The following NMT2 variants were observed in gnomAD, a reference collection of about 807,000 sequenced individuals.
NMT2 encodes glycylpeptide N-tetradecanoyltransferase 2.
Under a neutral mutation model 65.4 loss-of-function variants are expected in NMT2, and 35 were observed. The observed-to-expected ratio is 0.54, with a 90% CI of 0.41 to 0.71. The LOEUF (loss-of-function observed/expected upper bound fraction) is 0.71. Among genes scored for constraint, NMT2 ranks in the 30% least tolerant of loss-of-function variants. The probability of loss-of-function intolerance (pLI) is 0.00; values close to 1 mark genes in which losing one functional copy is unlikely to be tolerated. For missense variants in NMT2, 489 were observed against 611.3 expected, an observed-to-expected ratio of 0.80 and a Z score of 2.11; for synonymous variants, 226 against 231.8, an observed-to-expected ratio of 0.98 and a Z score of 0.23.
chr10:15,112,724 G>A (rs979296506), intron 10 of NMT2, 72 bp downstream of exon 10: 188 of 1,393,724 alleles, frequency 1.3e-4, no homozygotes, highest in Middle Eastern at 6.6e-4. Flanking sequence ...AGAAAACACA[G>A]TAAGATGTCT....
At chr10:15,130,371 A>G (rs1379006230) in intron 6 of NMT2, 59 bp from the exon 7 acceptor site, 2 of 1,250,734 alleles carry the variant, frequency 1.6e-6, no homozygotes, top group Non-Finnish European at 2.2e-6. Context: ...TGAAGAGTCA[A>G]CACATTTTAA....
chr10:15,157,392 C>A (rs531955923), intron 1 of NMT2, among the ~76,000 whole-genome samples: 1 of 152,268 alleles, frequency 6.6e-6, no homozygotes, highest in South Asian at 2.1e-4. Flanking sequence ...CAATGGGGTA[C>A]AAGAGGGCTG....
At chr10:15,118,276 A>G (rs7074567) in intron 9 of NMT2, among the ~76,000 whole-genome samples, 62,316 of 152,124 alleles carry the variant, frequency 0.41, 17,269 homozygotes, top group African/African-American at 0.8. Flanking sequence ...AGTGGCTCAC[A>G]CCTATAATTC....
At chr10:15,116,211 C>A (rs770983777) in intron 9 of NMT2, among the ~76,000 whole-genome samples, 2 of 152,112 alleles carry the variant, frequency 1.3e-5, no homozygotes, top group Non-Finnish European at 2.9e-5. Context: ...TTAAAATAAT[C>A]AAAACCATAC....
intron 7 of NMT2, 151 bp downstream of exon 7, chr10:15,129,991 A>C (rs1328424769): frequency 3.6e-6 from 2 of 551,896 alleles, no homozygotes. Flanking sequence ...ACCAAGTGGC[A>C]AATGATATAC....
At chr10:15,122,287 C>G (rs543395161) in intron 8 of NMT2, among the ~76,000 whole-genome samples, 1 of 152,276 alleles carries the variant, frequency 6.6e-6, no homozygotes, top group South Asian at 2.1e-4. Context: ...CAACTTCCTT[C>G]TAGAGCAAAA....
Position 15,130,124 on chromosome 10 carries a change from G to T in NMT2, c.890+18C>A. ...TTTGATAAAGGGAGGACCTGAGGTA[G>T]AAATATGGTACTGGTACCTGCATGT... On this transcript the variant is annotated intron_variant, in intron 7 of 11. Transcript: ENST00000378165. 6.9e-7 allele frequency: 1 copy of T among 1,440,878 alleles called. No individual in the cohort carries two copies. Among genetic ancestry groups the T allele is most frequent in the South Asian group, 1.7e-5 (1 of 60,066 alleles). The allele number at this position is 1,440,878 out of a possible 1,614,324, so 89.3% of individuals were successfully genotyped here.
Position 15,120,850 on chromosome 10 carries a change from A to G in NMT2, c.1000-1337T>C, listed in dbSNP as rs112289782. The stretch of plus-strand genomic sequence containing the variant: ...TCTTGTCTAACGGCAAATGGCTGCC[A>G]GGGACGCGGCCTGGCCTCTCCTGCC... On this transcript the variant is annotated intron_variant, in intron 8 of 11. Coordinates refer to ENST00000378165, the MANE Select transcript of NMT2 (RefSeq NM_004808.3). Among the ~76,000 whole-genome samples, 439 of 152,340 alleles carry G rather than the reference A, an allele frequency of 2.9e-3. 1 individual carries two copies. Among genetic ancestry groups the G allele is most frequent in the Middle Eastern group, 0.017 (5 of 294 alleles).
rs184982372 is a variant in NMT2, at chr10:15,135,422, C to T, written c.247-4G>A. On this transcript the variant is annotated splice_region_variant and splice_polypyrimidine_tract_variant and intron_variant, in intron 2 of 11. Coordinates refer to ENST00000378165, the MANE Select transcript of NMT2 (RefSeq NM_004808.3). ...TCTGCATTGGAACACTGGGATTCTA[C>T]GACAGCAAAGACAGACACAGAATAT... The T allele has an allele frequency of 1.0e-4, 164 of 1,613,666 alleles. No homozygotes were observed. Among genetic ancestry groups the T allele is most frequent in the Admixed American group, 1.3e-4 (8 of 59,944 alleles).
chr10:15,141,560 G>A lies in NMT2; in HGVS notation c.111-3C>T. 1.2e-6 allele frequency: 2 copies of A among 1,604,682 alleles called. No individual in the cohort carries two copies. The highest frequency in any genetic ancestry group is 1.7e-6 in the Non-Finnish European group (2 of 1,175,678). ...CTCCCAAATACCCTCCAGGACTTCT[G>A]CAGGAAATGCAAAGATGGTGAAACC... On this transcript the variant is annotated splice_polypyrimidine_tract_variant and splice_region_variant and intron_variant, in intron 1 of 11. Transcript: ENST00000378165.
At chr10:15,137,724 T>C (rs569657949) in intron 2 of NMT2, among the ~76,000 whole-genome samples, 84 of 152,356 alleles carry the variant, frequency 5.5e-4, no homozygotes, top group South Asian at 1.0e-3. Context: ...TTTCTTGATT[T>C]AATTTTTTGT....
At chr10:15,132,099 A>C (rs1055108829) in intron 6 of NMT2, among the ~76,000 whole-genome samples, 6 of 152,082 alleles carry the variant, frequency 3.9e-5, no homozygotes, top group African/African-American at 1.4e-4. Context: ...TCCTGACCTC[A>C]AGTGATCTGC....
Position 15,133,113 on chromosome 10 carries a change from T to C in NMT2, c.542A>G (p.Asn181Ser), listed in dbSNP as rs781207873. The C allele has an allele frequency of 6.2e-7, 1 of 1,614,104 alleles. No individual in the cohort carries two copies. The highest frequency in any genetic ancestry group is 1.7e-5 in the Admixed American group (1 of 60,032). Residue 181 changes from asparagine (N) to serine (S), a missense_variant, in exon 5 of 12, where the codon AAT (asparagine) becomes AGT (serine). Asn to Ser is a conservative substitution (Grantham distance 46, BLOSUM62 1). Transcript: ENST00000378165. ...LKELYTLLNE[N>S]YVEDDDNMFR... ...CATATTGTCATCATCTTCTACGTAA[T>C]TCTCATTTAACAACGTGTATAACTC...
At chr10:15,156,373 A>G (rs533700535) in intron 1 of NMT2, among the ~76,000 whole-genome samples, 2 of 152,188 alleles carry the variant, frequency 1.3e-5, no homozygotes, top group South Asian at 4.2e-4. Context: ...CATGAGTGTA[A>G]GTTTCCTAAG....
rs1845606211 is a variant in NMT2 at position 15,112,781 on chromosome 10, G to A, written c.1338+15C>T. On this transcript the variant is annotated intron_variant, in intron 10 of 11. Transcript: ENST00000378165. ...TTGGAGAACCAAACGGCGTGAACAG[G>A]AAGGAGTGGCTTACCGATTTAGCCA... 6.2e-7 allele frequency: 1 copy of A among 1,602,762 alleles called. No homozygotes were observed. The highest frequency in any genetic ancestry group is 1.7e-4 in the Middle Eastern group (1 of 5,970).
chr10:15,127,558 AAAAAAAAAAAAAT>A (rs1368040638), intron 8 of NMT2, among the ~76,000 whole-genome samples: 1 of 95,596 alleles, frequency 1.0e-5, no homozygotes, highest in African/African-American at 1.1e-4. Context: ...AAAAAAAAAA[AAAAAAAAAAAAAT>A]AAATAAATAA....
chr10:15,145,863 T>C (rs1002160379), intron 1 of NMT2, among the ~76,000 whole-genome samples: 10 of 152,126 alleles, frequency 6.6e-5, no homozygotes, highest in Non-Finnish European at 4.4e-5. Flanking sequence ...CCAGGTACTC[T>C]GGAGGGAGAC....
rs906464716 is a variant in NMT2 at position 15,133,242 on chromosome 10, C to T, written c.510+3G>A. ...TGAATTTAAGAGGTTTTTACTCACT[C>T]ACCACTTCGGCATCACTCAAGTCTA... On this transcript the variant is annotated splice_donor_region_variant and intron_variant, in intron 4 of 11. Coordinates refer to ENST00000378165, the MANE Select transcript of NMT2 (RefSeq NM_004808.3). The T allele has an allele frequency of 5.6e-6, 9 of 1,612,314 alleles. No individual in the cohort carries two copies. The highest frequency in any genetic ancestry group is 1.7e-5 in the Admixed American group (1 of 59,990).
rs1297944860 is a variant in NMT2, at chr10:15,108,185, TTTC to T, written c.*1007_*1009del. 6 of 977,400 alleles carry T rather than the reference TTTC, an allele frequency of 6.1e-6. No individual in the cohort carries two copies. Among genetic ancestry groups the T allele is most frequent in the African/African-American group, 5.9e-5 (3 of 50,724 alleles). The allele number at this position is 977,400 out of a possible 1,614,324, so 60.5% of individuals were successfully genotyped here. A position where few individuals can be genotyped will look rare whatever the true frequency, so the allele number is the denominator to read the frequency against. The stretch of plus-strand genomic sequence containing the variant: ...TCTAGTTAGTCGCGGGTACAGGCTC[TTTC>T]TTTTTTTTTTTTTTTGAGACGGAGT... On this transcript the variant is annotated 3_prime_UTR_variant, in exon 12 of 12. Coordinates refer to ENST00000378165, the MANE Select transcript of NMT2 (RefSeq NM_004808.3).
Sources: allele counts gnomAD v4.1 joint callset (sites outside exome capture counted in the v4.1 genomes callset), GRCh38; gene constraint gnomAD v4.1.1; transcripts MANE v1.5; gene names NCBI Gene and HGNC (gene_info 2026-07-23, HGNC 2026-07-21).